The following ITPR1 variants were observed in gnomAD, a reference collection of about 807,000 sequenced individuals.
ITPR1 encodes the protein inositol 1,4,5-trisphosphate-gated calcium channel ITPR1.
ITPR1 carries 96 observed loss-of-function variants against 318.4 expected under a neutral mutation model. The ratio of observed to expected loss-of-function variants is 0.30; its 90% CI spans 0.26 to 0.36. The LOEUF (loss-of-function observed/expected upper bound fraction) is 0.36, where lower values mean the gene tolerates loss of function less well. Among genes scored for constraint, ITPR1 ranks in the 10% least tolerant of loss-of-function variants. The pLI is 1.00. For synonymous variants in ITPR1, 1,312 were observed against 1,289.9 expected (o/e 1.02, Z -0.37); for missense variants, 2,440 against 3,460.2 (o/e 0.71, Z 7.40).
At position 4,639,214 on chromosome 3, in the gene ITPR1, T is replaced by C. The variant is rs139174788; in HGVS notation, c.280-170T>C. On this transcript the variant is annotated intron_variant, in intron 5 of 61. Coordinates refer to ENST00000649015, the MANE Select transcript of ITPR1 (RefSeq NM_001378452.1). ...GCCAGCCAAGCAAAGGCGGAGTGGATGGGCTGTTTGAACCCCTTGGCTCAT... is the reference window on the plus strand; with the variant it reads ...GCCAGCCAAGCAAAGGCGGAGTGGACGGGCTGTTTGAACCCCTTGGCTCAT... Among the ~76,000 whole-genome samples the C allele has an allele frequency of 5.1e-3, 782 of 152,202 alleles. 10 individuals are homozygous for C. Among genetic ancestry groups the C allele is most frequent in the African/African-American group, 0.017 (726 of 41,528 alleles).
chr3:4,521,895 A>AAAACAG (rs1450638920), intron 4 of ITPR1, among the ~76,000 whole-genome samples: 1 of 152,040 alleles, frequency 6.6e-6, no homozygotes, highest in East Asian at 1.9e-4. Context: ...AACAAAAACA[A>AAAACAG]AAACAAGACA....
chr3:4,778,510 A>G (rs909544039), intron 48 of ITPR1, among the ~76,000 whole-genome samples: 1 of 152,214 alleles, frequency 6.6e-6, no homozygotes, highest in Non-Finnish European at 1.5e-5. Context: ...TTTCTTTACT[A>G]TTTAGAACTG....
chr3:4,566,604 GCACACACACACACACACACACA>G (rs57756103), intron 4 of ITPR1, among the ~76,000 whole-genome samples: 11,717 of 140,980 alleles, frequency 0.083, 618 homozygotes, highest in Non-Finnish European at 0.11. Context: ...GGGGACACAT[GCACACACACACACACACACACA>G]CACACACACA....
chr3:4,662,539 A>G (rs983513733), intron 15 of ITPR1, among the ~76,000 whole-genome samples: 4 of 152,140 alleles, frequency 2.6e-5, no homozygotes, highest in Non-Finnish European at 4.4e-5. Flanking sequence ...CCTGCCTAAC[A>G]TGGTGAAACC....
rs1447358739 is a variant in ITPR1, at chr3:4,653,842, G to A, written c.952G>A (p.Val318Ile). The A allele has an allele frequency of 1.9e-6, 3 of 1,608,292 alleles. No individual in the cohort carries two copies. The highest frequency in any genetic ancestry group is 2.7e-5 in the African/African-American group (2 of 74,952). ...TTTCCTAATGATTCTTTTTCATCAG[G>A]TAGACCCTGACTTTGAGGAAGAATG... is the stretch of plus-strand genomic sequence containing the variant. ...LATGHYLAAE[V>I]DPDFEEECLE... Residue 318 changes from valine to isoleucine, a missense_variant and splice_region_variant, in exon 12 of 62, where the codon GTA becomes ATA. Around this residue, in one of 23 missense-constraint regions of ITPR1, gnomAD observed 32 missense variants for 62.7 expected, o/e 0.51. Coordinates refer to ENST00000649015, the MANE Select transcript of ITPR1 (RefSeq NM_001378452.1).
chr3:4,794,068 C>G (rs1405747335), intron 52 of ITPR1, among the ~76,000 whole-genome samples: 1 of 152,180 alleles, frequency 6.6e-6, no homozygotes, highest in Non-Finnish European at 1.5e-5. Flanking sequence ...CTCACGTACT[C>G]CATGCTTTTC....
chr3:4,516,224 A>G (rs1221770941), intron 2 of ITPR1, among the ~76,000 whole-genome samples: 1 of 152,228 alleles, frequency 6.6e-6, no homozygotes. Flanking sequence ...AATCTGATTC[A>G]GGCATGGTTT....
chr3:4,571,131 C>T (rs965360476), intron 4 of ITPR1, among the ~76,000 whole-genome samples: 2 of 152,168 alleles, frequency 1.3e-5, no homozygotes, highest in African/African-American at 4.8e-5. Context: ...AAGCATGTCT[C>T]TTTGGGCTGA....
At chr3:4,718,712 C>A (rs1340967903) in intron 40 of ITPR1, among the ~76,000 whole-genome samples, 1 of 152,140 alleles carries the variant, frequency 6.6e-6, no homozygotes, top group Non-Finnish European at 1.5e-5. Context: ...GGTGAGAGGG[C>A]CATGCCTTCT....
At chr3:4,642,985 C>G (rs1470810083) in intron 7 of ITPR1, among the ~76,000 whole-genome samples, 1 of 152,210 alleles carries the variant, frequency 6.6e-6, no homozygotes, top group Non-Finnish European at 1.5e-5. Context: ...AATGCTCAAC[C>G]AGCCTTAACT....
At chr3:4,618,224 A>G (rs1360670894) in intron 4 of ITPR1, among the ~76,000 whole-genome samples, 1 of 152,194 alleles carries the variant, frequency 6.6e-6, no homozygotes, top group East Asian at 1.9e-4. Context: ...GAATTTCACC[A>G]CAAAAAAGTC....
rs776307256 is a variant in ITPR1, at chr3:4,510,597, T to G, written c.-16-5879T>G. 5.1e-4 allele frequency among the ~76,000 whole-genome samples: 77 copies of G among 152,342 alleles called. 1 individual carries two copies. The highest frequency in any genetic ancestry group is 2.5e-3 in the Admixed American group (38 of 15,308). The stretch of plus-strand genomic sequence containing the variant: ...ACAGGTATTTACTGAATACCTACTA[T>G]GTGCTAGGCATTGGTGTTTGGAATA... On this transcript the variant is annotated intron_variant, in intron 2 of 61. Transcript: ENST00000649015.
At chr3:4,576,086 T>C (rs1247777208) in intron 4 of ITPR1, among the ~76,000 whole-genome samples, 1 of 152,052 alleles carries the variant, frequency 6.6e-6, no homozygotes, top group Non-Finnish European at 1.5e-5. Context: ...CACAAAGTCG[T>C]TTTATTGTTT....
chr3:4,757,210 G>T (rs570573242), intron 44 of ITPR1, among the ~76,000 whole-genome samples: 1 of 152,174 alleles, frequency 6.6e-6, no homozygotes, highest in African/African-American at 2.4e-5. Flanking sequence ...TGGTCTTTGA[G>T]TTTTGATTGT....
rs1425215936 is a variant in ITPR1 at position 4,735,076 on chromosome 3, G to C, written c.5354-88G>C. ...GAGATGAACATGGGTAAAGCATTTA[G>C]TGCATAAAGTGTTGGTGCGTAGTAA... On this transcript the variant is annotated intron_variant, in intron 43 of 61. Transcript: ENST00000649015. 7 of 954,842 alleles carry C rather than the reference G, an allele frequency of 7.3e-6. No homozygotes were observed. The East Asian group carries it at 1.5e-4, about 20-fold the overall frequency. 59.1% of individuals were successfully genotyped at this position (954,842 alleles called of 1,614,324 possible).
At chr3:4,759,488 G>C (rs1286467498) in intron 44 of ITPR1, among the ~76,000 whole-genome samples, 1 of 152,292 alleles carries the variant, frequency 6.6e-6, no homozygotes, top group Non-Finnish European at 1.5e-5. Flanking sequence ...GTCAGGGGAG[G>C]GAGGTTCTGT....
chr3:4,822,383 CTT>C (rs1212120696), intron 60 of ITPR1, among the ~76,000 whole-genome samples: 1 of 152,212 alleles, frequency 6.6e-6, no homozygotes, highest in East Asian at 1.9e-4. Flanking sequence ...GAGTGGGCAT[CTT>C]GACTCTAAGA....
intron 4 of ITPR1, among the ~76,000 whole-genome samples, chr3:4,626,008 G>A (rs2092814049): frequency 6.6e-6 from 1 of 152,136 alleles, no homozygotes; most frequent in South Asian, 2.1e-4. Context: ...GAAAAATCTG[G>A]TGAAGCCCAA....
chr3:4,505,007 C>T (rs1050193949), intron 2 of ITPR1, among the ~76,000 whole-genome samples: 12 of 151,462 alleles, frequency 7.9e-5, no homozygotes, highest in Non-Finnish European at 1.5e-4. Flanking sequence ...TTGCCAGGCT[C>T]GGCCCATCGT....
Sources: allele counts gnomAD v4.1 joint callset (sites outside exome capture counted in the v4.1 genomes callset), GRCh38; gene constraint gnomAD v4.1.1; regional missense constraint gnomAD v4.1.1; transcripts MANE v1.5; gene names NCBI Gene and HGNC (gene_info 2026-07-23, HGNC 2026-07-21).